Variants in XRCC4 observed in about 807,000 individuals in gnomAD.
XRCC4 encodes the protein DNA repair protein XRCC4.
Under a neutral mutation model 39.1 loss-of-function variants are expected in XRCC4, and 28 were observed. The ratio of observed to expected loss-of-function variants is 0.72; its 90% CI spans 0.53 to 0.98. XRCC4 has a LOEUF of 0.98. Among genes scored for constraint, XRCC4 ranks in the 50% least tolerant of loss-of-function variants. The pLI is 0.00. For synonymous variants in XRCC4, 123 were observed against 126.4 expected (o/e 0.97, Z 0.18); for missense variants, 350 against 376.4 (o/e 0.93, Z 0.58).
At chr5:83,079,247 G>C (rs1463924371) in intron 1 of XRCC4, among the ~76,000 whole-genome samples, 1 of 152,216 alleles carries the variant, frequency 6.6e-6, no homozygotes, top group Non-Finnish European at 1.5e-5. Context: ...GTTATCTATA[G>C]AGAAACACAT....
chr5:83,182,709 G>C (rs888925965), intron 3 of XRCC4, among the ~76,000 whole-genome samples: 3 of 152,056 alleles, frequency 2.0e-5, no homozygotes, highest in Non-Finnish European at 2.9e-5. Flanking sequence ...GAGGTGATTC[G>C]GTACTGAGGG....
At chr5:83,105,113 T>C (rs1231508795) in intron 2 of XRCC4, 55 bp downstream of exon 2, 2 of 1,510,816 alleles carry the variant, frequency 1.3e-6, no homozygotes, top group Non-Finnish European at 8.9e-7. Context: ...TATTCTTCAG[T>C]CCTCAGGGAT....
chr5:83,287,046 T>A (rs78267455), intron 7 of XRCC4, among the ~76,000 whole-genome samples: 11,832 of 152,108 alleles, frequency 0.078, 632 homozygotes, highest in Non-Finnish European at 0.11. Context: ...GGATTAAGAT[T>A]CGTGTATGTT....
At position 83,291,951 on chromosome 5, in the gene XRCC4, CTGTGTGTGTGTGTG is replaced by C. The variant is rs34789998; in HGVS notation, c.893+33296_893+33309del. On this transcript the variant is annotated intron_variant, in intron 7 of 7. Coordinates refer to ENST00000396027, the MANE Select transcript of XRCC4 (RefSeq NM_003401.5). The stretch of plus-strand genomic sequence containing the variant: ...TACTATATATGTTATATGTGTATTT[CTGTGTGTGTGTGTG>C]TGTGTGTGTGTGTGTGTGTGTATTT... 7.6e-5 allele frequency among the ~76,000 whole-genome samples: 11 copies of C among 144,026 alleles called. No individual in the cohort carries two copies. In the East Asian group the frequency reaches 8.2e-4, roughly 11 times the overall value. 94.5% of individuals were successfully genotyped at this position (144,026 alleles called of 152,430 possible).
chr5:83,357,734 C>CA (rs894890672), downstream of XRCC4, among the ~76,000 whole-genome samples: 1 of 152,026 alleles, frequency 6.6e-6, no homozygotes, highest in African/African-American at 2.4e-5. Context: ...TATGAGCTGC[C>CA]AAAAAATCGA....
intron 3 of XRCC4, among the ~76,000 whole-genome samples, chr5:83,190,683 A>G (rs2112682044): frequency 6.6e-6 from 1 of 152,324 alleles, no homozygotes; most frequent in South Asian, 2.1e-4. Flanking sequence ...TAGAATGGCC[A>G]CAAATAACTC....
rs189512851 is a variant in XRCC4 at position 83,291,502 on chromosome 5, G to T, written c.893+32825G>T. 1.1e-4 allele frequency among the ~76,000 whole-genome samples: 16 copies of T among 151,868 alleles called. No individual in the cohort carries two copies. In the East Asian group the frequency reaches 2.9e-3, roughly 27 times the overall value. On this transcript the variant is annotated intron_variant, in intron 7 of 7. Coordinates refer to ENST00000396027, the MANE Select transcript of XRCC4 (RefSeq NM_003401.5). ...AAAAATAGTAGCAATGCTTTTCTTA[G>T]ATCAAAATCTATTAGTGGACTTACA...
At chr5:83,229,820 A>AT (rs1752432975) in intron 6 of XRCC4, among the ~76,000 whole-genome samples, 1 of 151,898 alleles carries the variant, frequency 6.6e-6, no homozygotes, top group African/African-American at 2.4e-5. Flanking sequence ...TGCATGCACC[A>AT]TTTTGCACAG....
chr5:83,343,813 T>G (rs1275808227), intron 7 of XRCC4, among the ~76,000 whole-genome samples: 3 of 152,164 alleles, frequency 2.0e-5, no homozygotes, highest in African/African-American at 7.2e-5. Flanking sequence ...GCTGTCTTGG[T>G]TCATCTAGTC....
chr5:83,136,847 CA>C (rs1747920656), intron 3 of XRCC4, among the ~76,000 whole-genome samples: 1 of 152,100 alleles, frequency 6.6e-6, no homozygotes, highest in South Asian at 2.1e-4. Context: ...AGTCAAAAAT[CA>C]TATTAATGGG....
intron 7 of XRCC4, among the ~76,000 whole-genome samples, chr5:83,298,690 A>G (rs545663077): frequency 1.3e-5 from 2 of 151,516 alleles, no homozygotes; most frequent in Middle Eastern, 3.2e-3. Flanking sequence ...TATCTTTTCT[A>G]TTTTGGAGGA....
intron 3 of XRCC4, among the ~76,000 whole-genome samples, chr5:83,163,713 G>A (rs763399925): frequency 1.2e-4 from 19 of 152,172 alleles, no homozygotes; most frequent in Non-Finnish European, 2.6e-4. Context: ...AAGTGGGCGG[G>A]TTGTCTATTC....
At chr5:83,332,270 A>AC (rs1756462877) in intron 7 of XRCC4, among the ~76,000 whole-genome samples, 1 of 128,638 alleles carries the variant, frequency 7.8e-6, no homozygotes, top group Non-Finnish European at 1.7e-5. Flanking sequence ...CACACACAGA[A>AC]AGAGAGAGAG....
At chr5:83,129,932 C>T (rs552791575) in intron 3 of XRCC4, among the ~76,000 whole-genome samples, 11 of 152,246 alleles carry the variant, frequency 7.2e-5, no homozygotes, top group Admixed American at 5.9e-4. Flanking sequence ...ATTTGGCTTC[C>T]TCTTTTCCTA....
chr5:83,130,911 A>C (rs1346026823), intron 3 of XRCC4, among the ~76,000 whole-genome samples: 1 of 152,086 alleles, frequency 6.6e-6, no homozygotes, highest in South Asian at 2.1e-4. Context: ...TGATCTTTTC[A>C]AAAAACCATC....
At chr5:83,157,014 G>GA (rs139521604) in intron 3 of XRCC4, among the ~76,000 whole-genome samples, 12 of 150,814 alleles carry the variant, frequency 8.0e-5, no homozygotes, top group Middle Eastern at 3.4e-3. Flanking sequence ...TTCATTTTTA[G>GA]AAAAAAAAAT....
At chr5:83,300,302 C>T (rs1361656479) in intron 7 of XRCC4, among the ~76,000 whole-genome samples, 1 of 151,804 alleles carries the variant, frequency 6.6e-6, no homozygotes, top group East Asian at 1.9e-4. Flanking sequence ...CTCTCCAGTG[C>T]TATTAAGAAA....
At chr5:83,179,485 T>A (rs879617662) in intron 3 of XRCC4, among the ~76,000 whole-genome samples, 5 of 152,210 alleles carry the variant, frequency 3.3e-5, no homozygotes, top group Non-Finnish European at 7.3e-5. Flanking sequence ...TAAGTAGAGC[T>A]GTGAATACCT....
At chr5:83,282,115 A>T (rs757409581) in intron 7 of XRCC4, among the ~76,000 whole-genome samples, 5 of 152,238 alleles carry the variant, frequency 3.3e-5, no homozygotes, top group African/African-American at 4.8e-5. Context: ...CAAATGCTAC[A>T]ATTGGGGTTA....
Sources: gnomAD v4.1 joint callset for allele counts (sites outside exome capture counted in the v4.1 genomes callset) on GRCh38, gnomAD v4.1.1 for gene constraint, MANE v1.5 for transcripts, NCBI Gene and HGNC (gene_info 2026-07-23, HGNC 2026-07-21) for gene names.